Variants in DCC observed in about 807,000 individuals in gnomAD.
The protein encoded by DCC is DCC netrin 1 receptor, also known as netrin receptor DCC.
Under a neutral mutation model 172.5 loss-of-function variants are expected in DCC, and 58 were observed. The ratio of observed to expected loss-of-function variants is 0.34; its 90% CI spans 0.27 to 0.42. The LOEUF is 0.42. Among genes scored for constraint, DCC ranks in the 10% least tolerant of loss-of-function variants. The pLI is 1.00. For synonymous variants in DCC, 709 were observed against 644.5 expected (o/e 1.10, Z -1.52); for missense variants, 1,740 against 1,791.0 (o/e 0.97, Z 0.51).
intron 5 of DCC, among the ~76,000 whole-genome samples, chr18:53,025,831 C>CACACAT (rs1192826087): frequency 1.3e-4 from 19 of 147,194 alleles, no homozygotes; most frequent in African/African-American, 4.0e-4. Context: ...CACACACACA[C>CACACAT]ATAAAACTTC....
At chr18:52,869,340 A>G (rs1479214241) in intron 2 of DCC, among the ~76,000 whole-genome samples, 6 of 152,318 alleles carry the variant, frequency 3.9e-5, no homozygotes, top group East Asian at 1.9e-4. Flanking sequence ...CAGAGAGGGT[A>G]GCTCCTGTCT....
chr18:53,256,995 A>G (rs1317677335), intron 12 of DCC, among the ~76,000 whole-genome samples: 3 of 152,172 alleles, frequency 2.0e-5, no homozygotes, highest in African/African-American at 7.2e-5. Context: ...GAATTCACTC[A>G]TGATTTGGCT....
intron 3 of DCC, among the ~76,000 whole-genome samples, chr18:52,918,056 TCA>T (rs1177545051): frequency 2.0e-5 from 3 of 152,172 alleles, no homozygotes; most frequent in Non-Finnish European, 4.4e-5. Context: ...TATTTTTCTC[TCA>T]GTTTTATTTT....
At chr18:53,120,210 T>G (rs2043464685) in intron 7 of DCC, among the ~76,000 whole-genome samples, 1 of 151,892 alleles carries the variant, frequency 6.6e-6, no homozygotes, top group Non-Finnish European at 1.5e-5. Context: ...TGAAACTTCA[T>G]GGTTTGTTAA....
intron 7 of DCC, among the ~76,000 whole-genome samples, chr18:53,090,805 T>G (rs4291980): frequency 0.37 from 54,707 of 149,028 alleles, 10,958 homozygotes; most frequent in Non-Finnish European, 0.45. Context: ...TTAATAATTT[T>G]TCAAAGTTCA....
chr18:53,391,795 GA>G lies in DCC; in HGVS notation c.2597del (p.Asp866AlafsTer38). On this transcript the variant is annotated frameshift_variant, in exon 17 of 29. Transcript: ENST00000442544. LOFTEE classifies it high-confidence loss of function. ...THDAVRVSWA[D>X]NSVPKNQKTS... ...TGATGCTGTGAGGGTCAGCTGGGCA[GA>G]CAACTCTGTCCCTAAGAACCAAAAG... 6.2e-7 allele frequency: 1 copy of G among 1,614,070 alleles called. No individual in the cohort carries two copies. Among genetic ancestry groups the G allele is most frequent in the Non-Finnish European group, 8.5e-7 (1 of 1,179,964 alleles).
chr18:52,852,161 G>T (rs1373808916), intron 2 of DCC, among the ~76,000 whole-genome samples: 2 of 151,910 alleles, frequency 1.3e-5, no homozygotes, highest in African/African-American at 2.4e-5. Flanking sequence ...ATCTTACTAG[G>T]CTTAAAGGCA....
At chr18:53,119,121 G>A (rs184515366) in intron 7 of DCC, among the ~76,000 whole-genome samples, 1 of 151,736 alleles carries the variant, frequency 6.6e-6, no homozygotes, top group Admixed American at 6.6e-5. Context: ...GTCCCCCTGA[G>A]GTATCACAAA....
intron 27 of DCC, among the ~76,000 whole-genome samples, chr18:53,518,640 G>T (rs2046365917): frequency 6.6e-6 from 1 of 152,064 alleles, no homozygotes. Context: ...CTCTTAGTGG[G>T]TCCTGCTGAG....
intron 2 of DCC, among the ~76,000 whole-genome samples, chr18:52,798,459 C>A (rs373070308): frequency 6.6e-6 from 1 of 152,146 alleles, no homozygotes; most frequent in Non-Finnish European, 1.5e-5. Flanking sequence ...TTGCTTCAGC[C>A]TCCCAAAATG....
intron 23 of DCC, among the ~76,000 whole-genome samples, chr18:53,458,074 A>T (rs997480567): frequency 2.0e-5 from 3 of 152,196 alleles, no homozygotes; most frequent in Non-Finnish European, 4.4e-5. Flanking sequence ...TTGAGCAGCC[A>T]TGGAAGGTAG....
At chr18:52,482,253 A>C (rs898020396) in intron 1 of DCC, among the ~76,000 whole-genome samples, 1 of 152,156 alleles carries the variant, frequency 6.6e-6, no homozygotes, top group African/African-American at 2.4e-5. Context: ...ATGACTCTTC[A>C]CTAATCTTTA....
At chr18:52,578,056 C>T (rs765451098) in intron 1 of DCC, among the ~76,000 whole-genome samples, 28 of 152,296 alleles carry the variant, frequency 1.8e-4, no homozygotes, top group Non-Finnish European at 3.7e-4. Flanking sequence ...ACACACATCC[C>T]TCAGGCTTTA....
intron 1 of DCC, among the ~76,000 whole-genome samples, chr18:52,414,244 C>T (rs1441485579): frequency 1.3e-5 from 2 of 151,976 alleles, no homozygotes; most frequent in African/African-American, 4.8e-5. Context: ...CCATGCCTGG[C>T]TAATTATTTT....
intron 27 of DCC, among the ~76,000 whole-genome samples, chr18:53,522,440 A>C (rs2046409237): frequency 6.6e-6 from 1 of 152,098 alleles, no homozygotes; most frequent in African/African-American, 2.4e-5. Flanking sequence ...TGTGGAACCA[A>C]AAAAGGGCCC....
At chr18:52,687,670 T>G (rs1241115155) in intron 1 of DCC, among the ~76,000 whole-genome samples, 1 of 152,150 alleles carries the variant, frequency 6.6e-6, no homozygotes, top group Non-Finnish European at 1.5e-5. Context: ...TATTGTGGGC[T>G]GTTAGCAAGC....
Position 53,140,147 on chromosome 18 carries a change from A to G in DCC, c.1262-17209A>G, listed in dbSNP as rs73457559. On this transcript the variant is annotated intron_variant, in intron 7 of 28. Coordinates refer to ENST00000442544, the MANE Select transcript of DCC (RefSeq NM_005215.4). ...ACAAACCATAATTCAGCTGAATAAA[A>G]CATTTTATGATTTTTTATTCTTTTC... Among the ~76,000 whole-genome samples, 241 of 152,362 alleles carry G rather than the reference A, an allele frequency of 1.6e-3. 2 individuals carry two copies. Among genetic ancestry groups the G allele is most frequent in the African/African-American group, 5.7e-3 (237 of 41,584 alleles).
intron 7 of DCC, among the ~76,000 whole-genome samples, chr18:53,104,447 G>T (rs1171183946): frequency 6.6e-6 from 1 of 152,030 alleles, no homozygotes; most frequent in African/African-American, 2.4e-5. Flanking sequence ...ATCCATGTAA[G>T]ATGTGACTTG....
intron 5 of DCC, among the ~76,000 whole-genome samples, chr18:53,058,101 C>T (rs2042437695): frequency 6.6e-6 from 1 of 152,088 alleles, no homozygotes; most frequent in Non-Finnish European, 1.5e-5. Flanking sequence ...CAGAAATGTG[C>T]TGAAGAAATA....
Sources: gnomAD v4.1 joint callset for allele counts (sites outside exome capture counted in the v4.1 genomes callset) on GRCh38, gnomAD v4.1.1 for gene constraint, MANE v1.5 for transcripts, NCBI Gene and HGNC (gene_info 2026-07-23, HGNC 2026-07-21) for gene names.